SMIM43: variants seen among roughly 807,000 people sequenced by gnomAD.
The protein encoded by SMIM43 is small integral membrane protein 43, also known as Nodal Enhanced MEsendoderm Peptide.
intron 5 of SMIM43, 63 bp downstream of exon 5, chr4:121,761,475 T>C (rs756845853): frequency 3.4e-6 from 5 of 1,484,326 alleles, no homozygotes; most frequent in East Asian, 2.3e-5. Flanking sequence ...TTTGAAACTA[T>C]AGACAAAATT....
chr4:121,760,566 C>A (rs1340247113), intron 5 of SMIM43, 92 bp from the exon 6 acceptor site: 6 of 1,435,778 alleles, frequency 4.2e-6, no homozygotes, highest in Admixed American at 6.1e-5. Flanking sequence ...CTGCCTGCCT[C>A]TAACCTCCTT....
intron 3 of SMIM43, 33 bp from the exon 4 acceptor site, chr4:121,761,925 A>G: frequency 1.3e-6 from 2 of 1,525,362 alleles, no homozygotes; most frequent in East Asian, 2.3e-5. Context: ...AAATAATAAC[A>G]TTTGAAATAA....
chr4:121,763,381 T>C (rs1398512923), intron 2 of SMIM43, among the ~76,000 whole-genome samples: 1 of 152,218 alleles, frequency 6.6e-6, no homozygotes, highest in Non-Finnish European at 1.5e-5. Flanking sequence ...ACTATAGTTA[T>C]GACTTAGCTT....
chr4:121,765,174 G>T (rs1726291610), upstream of SMIM43: 2 of 390,936 alleles, frequency 5.1e-6, no homozygotes, highest in Non-Finnish European at 4.5e-6. Flanking sequence ...CGAGCGCGCC[G>T]CCCGCACACC....
At chr4:121,764,112 C>T (rs375773139) in intron 1 of SMIM43, 1 of 152,300 alleles carries the variant, frequency 6.6e-6, no homozygotes, top group East Asian at 1.9e-4. Flanking sequence ...TCCATGCCAT[C>T]ACCCAAAAGG....
chr4:121,762,785 T>C lies in SMIM43; in HGVS notation c.*220A>G, dbSNP rs1187611612. On this transcript the variant is annotated 3_prime_UTR_variant, in exon 3 of 6. Transcript: ENST00000643802. ...ATGATGGGCAGGTTAAATTCATGGA[T>C]ACCAGTGGTGCTGCTAGGAAGATTA... 1.3e-5 allele frequency: 2 copies of C among 152,228 alleles called. No homozygotes were observed. Among genetic ancestry groups the C allele is most frequent in the Non-Finnish European group, 2.9e-5 (2 of 68,050 alleles). 9.4% of individuals were successfully genotyped at this position (152,228 alleles called of 1,614,324 possible). A position where few individuals can be genotyped will look rare whatever the true frequency, so the allele number is the denominator to read the frequency against.
intron 5 of SMIM43, 22 bp downstream of exon 5, chr4:121,761,516 G>C: frequency 6.4e-7 from 1 of 1,558,596 alleles, no homozygotes; most frequent in Non-Finnish European, 8.7e-7. Flanking sequence ...TAAAAATAGA[G>C]TATTTCATAT....
At chr4:121,761,775 A>G (rs1007509620) in intron 4 of SMIM43, 55 bp downstream of exon 4, 2 of 1,610,876 alleles carry the variant, frequency 1.2e-6, no homozygotes, top group African/African-American at 2.7e-5. Flanking sequence ...TGTCATTCTC[A>G]TTCAACTTAA....
chr4:121,761,271 G>A (rs1022547692), intron 5 of SMIM43, among the ~76,000 whole-genome samples: 12 of 152,302 alleles, frequency 7.9e-5, no homozygotes, highest in Admixed American at 5.2e-4. Context: ...CAGAGTAGCT[G>A]TAAAAATTAA....
In SMIM43 at chr4:121,765,064, G is replaced by C. The variant is rs1219858599; in HGVS notation, c.42C>G (p.Phe14Leu). The C allele has an allele frequency of 5.0e-6, 2 of 398,044 alleles. No individual in the cohort carries two copies. The highest frequency in any genetic ancestry group is 8.9e-6 in the Non-Finnish European group (2 of 225,528). 24.7% of individuals were successfully genotyped at this position (398,044 alleles called of 1,614,324 possible). A position where few individuals can be genotyped will look rare whatever the true frequency, so the allele number is the denominator to read the frequency against. The part of the protein sequence containing the change: ...ELNLLLYLAL[F>L]FFLLFLLFLL... ...GGAAAAGTAAGAAGAGCAGGAAGAAGAAGAGCGCCAGGTAGAGCAGCAAGT... is the reference window on the plus strand; with the variant it reads ...GGAAAAGTAAGAAGAGCAGGAAGAACAAGAGCGCCAGGTAGAGCAGCAAGT... Residue 14 changes from phenylalanine to leucine, a missense_variant, in exon 1 of 6, where the codon TTC becomes TTG. Phe to Leu is a conservative substitution (Grantham distance 22). Coordinates refer to ENST00000643802, the MANE Select transcript of SMIM43 (RefSeq NM_001384332.1).
intron 5 of SMIM43, among the ~76,000 whole-genome samples, chr4:121,761,231 T>C (rs1033687762): frequency 6.6e-6 from 1 of 152,202 alleles, no homozygotes; most frequent in African/African-American, 2.4e-5. Context: ...GTTTTAATTG[T>C]GGATTTAGCT....
chr4:121,760,386 A>G lies in SMIM43; in HGVS notation c.*588T>C. ...ATTGGGCTGCTGAGGAAGCTCTTTA[A>G]AAGGAAGTGGATTTGAACTGGCATG... On this transcript the variant is annotated 3_prime_UTR_variant, in exon 6 of 6. Coordinates refer to ENST00000643802, the MANE Select transcript of SMIM43 (RefSeq NM_001384332.1). 1 of 1,603,090 alleles carries G rather than the reference A, an allele frequency of 6.2e-7. No homozygotes were observed. Among genetic ancestry groups the G allele is most frequent in the Non-Finnish European group, 8.5e-7 (1 of 1,174,056 alleles).
intron 2 of SMIM43, among the ~76,000 whole-genome samples, chr4:121,763,521 C>T (rs1726180583): frequency 6.6e-6 from 1 of 152,138 alleles, no homozygotes; most frequent in South Asian, 2.1e-4. Context: ...AAAGTGCAAA[C>T]ACTCCTGACA....
At chr4:121,761,000 C>T (rs55989500) in intron 5 of SMIM43, among the ~76,000 whole-genome samples, 31,414 of 151,916 alleles carry the variant, frequency 0.21, 3,716 homozygotes, top group Non-Finnish European at 0.27. Flanking sequence ...ATCCACCTTC[C>T]GGTATGGGAA....
chr4:121,760,787 G>A (rs1034460828), intron 5 of SMIM43, among the ~76,000 whole-genome samples: 9 of 152,226 alleles, frequency 5.9e-5, no homozygotes, highest in South Asian at 4.1e-4. Context: ...AACAAAAGTC[G>A]CAGATAATGG....
At chr4:121,762,042 A>T in intron 3 of SMIM43, 150 bp from the exon 4 acceptor site, 2 of 658,374 alleles carry the variant, frequency 3.0e-6, no homozygotes, top group Non-Finnish European at 2.6e-6. Flanking sequence ...TTTTATTGAA[A>T]ATAAAACACA....
At chr4:121,761,277 A>C (rs1412961075) in intron 5 of SMIM43, among the ~76,000 whole-genome samples, 1 of 152,250 alleles carries the variant, frequency 6.6e-6, no homozygotes, top group East Asian at 1.9e-4. Flanking sequence ...AGCTGTAAAA[A>C]TTAAAAACAA....
rs370226218 is a variant in SMIM43, at chr4:121,760,418, T to G, written c.*556A>C. The G allele has an allele frequency of 3.8e-6, 6 of 1,566,676 alleles. No individual in the cohort carries two copies. In the African/African-American group the frequency reaches 6.8e-5, roughly 18 times the overall value. ...GTGGATTTGAACTGGCATGCCCCGT[T>G]TTCTCTGTGGGCTTCCTCCTTCTTC... On this transcript the variant is annotated 3_prime_UTR_variant, in exon 6 of 6. Transcript: ENST00000643802.
intron 3 of SMIM43, among the ~76,000 whole-genome samples, 193 bp from the exon 4 acceptor site, chr4:121,762,085 A>C (rs62322616): frequency 0.011 from 1,664 of 152,340 alleles, 15 homozygotes; most frequent in Non-Finnish European, 0.018. Context: ...CATTTATATA[A>C]TAAGCAGTTA....
Sources: allele counts gnomAD v4.1 joint callset (sites outside exome capture counted in the v4.1 genomes callset), GRCh38; gene constraint gnomAD v4.1.1; transcripts MANE v1.5; gene names NCBI Gene and HGNC (gene_info 2026-07-23, HGNC 2026-07-21).